Variants in PRRC2B observed in about 807,000 individuals in gnomAD.
The protein encoded by PRRC2B is protein PRRC2B.
In PRRC2B, 68 loss-of-function variants were observed where a neutral mutation model predicts 242.3. That is an observed-to-expected ratio of 0.28 (90% confidence interval 0.23 to 0.34). The LOEUF (loss-of-function observed/expected upper bound fraction) is 0.34. Among genes scored for constraint, PRRC2B ranks in the 10% least tolerant of loss-of-function variants. The probability of loss-of-function intolerance (pLI) is 1.00; values close to 1 mark genes in which losing one functional copy is unlikely to be tolerated. For synonymous variants in PRRC2B, 1,228 were observed against 1,173.6 expected (o/e 1.05, Z -0.95); for missense variants, 2,835 against 2,954.8 (o/e 0.96, Z 0.94).
rs770889103 is a variant in PRRC2B, at chr9:131,447,193, A to T, written c.964A>T (p.Asn322Tyr). The part of the protein sequence containing the change: ...PRVPFRQFQM[N>Y]DQDGKENRLG... ...AGTTCCTTTTAGACAGTTCCAGATGAATGACCAAGACGGGTGAGTCCATTG... is the reference window on the plus strand; with the variant it reads ...AGTTCCTTTTAGACAGTTCCAGATGTATGACCAAGACGGGTGAGTCCATTG... The change falls in exon 8 of 32, where the codon AAT becomes TAT. Residue 322 changes from asparagine (N) to tyrosine (Y), a missense_variant. Transcript: ENST00000683519. 97 of 1,613,878 alleles carry T rather than the reference A, an allele frequency of 6.0e-5. No individual in the cohort carries two copies. The highest frequency in any genetic ancestry group is 8.0e-5 in the Non-Finnish European group (94 of 1,179,892).
chr9:131,445,698 C>T (rs1159571134), intron 6 of PRRC2B, among the ~76,000 whole-genome samples: 2 of 152,156 alleles, frequency 1.3e-5, no homozygotes, highest in Non-Finnish European at 2.9e-5. Context: ...CCTTAAGGGT[C>T]GTGTAACTCA....
intron 1 of PRRC2B, among the ~76,000 whole-genome samples, chr9:131,397,133 C>T (rs1038589034): frequency 2.0e-5 from 3 of 152,210 alleles, no homozygotes; most frequent in Non-Finnish European, 2.9e-5. Context: ...TGACTTCACT[C>T]GGGCCCAGTC....
At chr9:131,481,599 G>A (rs1049276008) in intron 19 of PRRC2B, 127 bp from the exon 20 acceptor site, 1 of 728,156 alleles carries the variant, frequency 1.4e-6, no homozygotes, top group Admixed American at 2.1e-5. Context: ...GGCTGGGGTG[G>A]CGGGTGCAGG....
At chr9:131,474,039 C>T (rs905633016) in intron 15 of PRRC2B, among the ~76,000 whole-genome samples, 1 of 152,208 alleles carries the variant, frequency 6.6e-6, no homozygotes, top group Non-Finnish European at 1.5e-5. Context: ...TGGCTCATTT[C>T]TGTGGAAGTA....
intron 9 of PRRC2B, among the ~76,000 whole-genome samples, chr9:131,452,338 A>G (rs1450219818): frequency 1.3e-5 from 2 of 152,074 alleles, no homozygotes; most frequent in Admixed American, 6.6e-5. Context: ...CAGTGAAACA[A>G]TTTTGCCCCT....
chr9:131,412,740 T>G (rs141704397), intron 1 of PRRC2B, among the ~76,000 whole-genome samples: 9 of 152,138 alleles, frequency 5.9e-5, no homozygotes, highest in African/African-American at 2.2e-4. Flanking sequence ...AAACTCATTC[T>G]GAAATTTATA....
chr9:131,415,194 C>T (rs762766753), intron 1 of PRRC2B, among the ~76,000 whole-genome samples: 52 of 151,984 alleles, frequency 3.4e-4, no homozygotes, highest in Non-Finnish European at 6.8e-4. Context: ...GGGGTTTTAC[C>T]ATGTTGGTCA....
In PRRC2B at chr9:131,483,426, A is replaced by G; in HGVS notation, c.5441A>G (p.Gln1814Arg). The G allele has an allele frequency of 6.2e-7, 1 of 1,613,896 alleles. No homozygotes were observed. Among genetic ancestry groups the G allele is most frequent in the Non-Finnish European group, 8.5e-7 (1 of 1,179,876 alleles). Residue 1814 changes from glutamine (Q) to arginine (R), a missense_variant, in exon 23 of 32, where the codon CAG (glutamine) becomes CGG (arginine). Coordinates refer to ENST00000683519, the MANE Select transcript of PRRC2B (RefSeq NM_013318.4). Reference sequence around the variant, plus strand: ...ACTGGGAGTCCAGTTGTTAAACTTCAGGATGCCTTGGCCAGTAATGTAAGT... The same window carrying G: ...ACTGGGAGTCCAGTTGTTAAACTTCGGGATGCCTTGGCCAGTAATGTAAGT... ...GPTGSPVVKL[Q>R]DALASNAGLT...
rs182316574 is a variant in PRRC2B, at chr9:131,397,832, A to G, written c.-52+3569A>G. Among the ~76,000 whole-genome samples, 4 of 152,278 alleles carry G rather than the reference A, an allele frequency of 2.6e-5. No homozygotes were observed. The East Asian group carries it at 7.7e-4, about 29-fold the overall frequency. On this transcript the variant is annotated intron_variant, in intron 1 of 31. Coordinates refer to ENST00000683519, the MANE Select transcript of PRRC2B (RefSeq NM_013318.4). Reference sequence around the variant, plus strand: ...CCTATCTATACTAGATTTTAAAACAATGGATTTCTCCCCAAAAAACAACAT... The same window carrying G: ...CCTATCTATACTAGATTTTAAAACAGTGGATTTCTCCCCAAAAAACAACAT...
At chr9:131,383,536 A>G (rs1005926532) in intron 1 of PRRC2B, among the ~76,000 whole-genome samples, 2 of 152,058 alleles carry the variant, frequency 1.3e-5, no homozygotes, top group South Asian at 4.1e-4. Flanking sequence ...TAGTGAAAGA[A>G]AGCTCACGAA....
At chr9:131,439,191 T>C (rs1166887613) in intron 5 of PRRC2B, 130 bp downstream of exon 5, 1 of 735,088 alleles carries the variant, frequency 1.4e-6, no homozygotes, top group South Asian at 1.7e-5. Context: ...AGGTACCGTC[T>C]ATGGAGCCCT....
intron 9 of PRRC2B, chr9:131,448,017 T>C (rs536696169): frequency 1.5e-4 from 63 of 433,396 alleles, no homozygotes; most frequent in South Asian, 2.6e-4. Flanking sequence ...TTTTGGTCTT[T>C]AGTCTTGATC....
chr9:131,382,173 C>A (rs150247708), intron 1 of PRRC2B, among the ~76,000 whole-genome samples: 9 of 152,202 alleles, frequency 5.9e-5, no homozygotes, highest in Non-Finnish European at 8.8e-5. Flanking sequence ...TCCGCCACCA[C>A]GCCCGGCTAA....
intron 12 of PRRC2B, 64 bp from the exon 13 acceptor site, chr9:131,467,499 A>G: frequency 7.2e-7 from 1 of 1,386,232 alleles, no homozygotes; most frequent in Non-Finnish European, 9.8e-7. Context: ...CTTGTTTGTA[A>G]ACACTTGGTT....
intron 1 of PRRC2B, among the ~76,000 whole-genome samples, chr9:131,379,144 T>C (rs745790611): frequency 7.9e-5 from 12 of 152,230 alleles, no homozygotes; most frequent in South Asian, 2.1e-4. Flanking sequence ...GCTTCATCCA[T>C]GTGGTACCAT....
intron 29 of PRRC2B, among the ~76,000 whole-genome samples, chr9:131,491,966 C>A (rs1458234150): frequency 6.6e-6 from 1 of 152,232 alleles, no homozygotes; most frequent in Non-Finnish European, 1.5e-5. Flanking sequence ...TCCCCAGTCC[C>A]CGGGCTGCAG....
At chr9:131,470,455 A>G (rs1374680178) in intron 13 of PRRC2B, among the ~76,000 whole-genome samples, 1 of 152,102 alleles carries the variant, frequency 6.6e-6, no homozygotes, top group Non-Finnish European at 1.5e-5. Context: ...GAAGTGGCCA[A>G]TGTCCAGACA....
intron 2 of PRRC2B, among the ~76,000 whole-genome samples, chr9:131,430,752 C>A (rs1045778226): frequency 2.0e-5 from 3 of 151,630 alleles, no homozygotes; most frequent in Admixed American, 6.6e-5. Flanking sequence ...GCCACCACGC[C>A]CAGCTAATTT....
chr9:131,422,097 C>T (rs1837859521), intron 1 of PRRC2B, among the ~76,000 whole-genome samples: 1 of 152,060 alleles, frequency 6.6e-6, no homozygotes, highest in Non-Finnish European at 1.5e-5. Context: ...ACTCTGTTCC[C>T]AGGCTGGAGT....
Sources: gnomAD v4.1 joint callset for allele counts (sites outside exome capture counted in the v4.1 genomes callset) on GRCh38, gnomAD v4.1.1 for gene constraint, MANE v1.5 for transcripts, NCBI Gene and HGNC (gene_info 2026-07-23, HGNC 2026-07-21) for gene names.